RIN3: variants seen among roughly 807,000 people sequenced by gnomAD.
The protein encoded by RIN3 is Ras and Rab interactor 3.
In RIN3, 54 loss-of-function variants were observed where a neutral mutation model predicts 76.3. The observed-to-expected ratio is 0.71, with a 90% CI of 0.57 to 0.89. RIN3 has a LOEUF of 0.89. RIN3 is among the 40% of genes least tolerant of loss of function. The pLI, the probability that RIN3 is intolerant of heterozygous loss-of-function variation, is 0.00. For missense variants in RIN3, 1,256 were observed against 1,322.1 expected (o/e 0.95, Z 0.78); for synonymous variants, 576 against 564.0 (o/e 1.02, Z -0.30).
rs1595508743 is a variant in RIN3, at chr14:92,681,791, G to A, written c.2468-3196G>A. Among the ~76,000 whole-genome samples the A allele has an allele frequency of 6.6e-6, 1 of 152,326 alleles. No individual in the cohort carries two copies. Among genetic ancestry groups the A allele is most frequent in the South Asian group, 2.1e-4 (1 of 4,830 alleles). The stretch of plus-strand genomic sequence containing the variant: ...TAAACCTAACTTAAAATGGAGATAC[G>A]TAAGTGGTTTAGTGGTTCTTCTCTT... On this transcript the variant is annotated intron_variant, in intron 8 of 9. Coordinates refer to ENST00000216487, the MANE Select transcript of RIN3 (RefSeq NM_024832.5). The surrounding 1 kb of genome is among the most constrained non-coding windows in gnomAD (Gnocchi z 4.7).
At chr14:92,569,509 G>A (rs967775133) in intron 2 of RIN3, among the ~76,000 whole-genome samples, 24 of 151,974 alleles carry the variant, frequency 1.6e-4, no homozygotes, top group Non-Finnish European at 2.9e-4. Context: ...GCTCAGGGCC[G>A]TCTGAGGGCC....
intron 1 of RIN3, among the ~76,000 whole-genome samples, chr14:92,527,151 C>T (rs139817750): frequency 0.063 from 9,518 of 150,268 alleles, 922 homozygotes; most frequent in African/African-American, 0.22. Context: ...CCTGGGTTCA[C>T]GCCATTCTCC....
At chr14:92,516,951 C>A (rs1264108501) in intron 1 of RIN3, among the ~76,000 whole-genome samples, 1 of 152,262 alleles carries the variant, frequency 6.6e-6, no homozygotes, top group African/African-American at 2.4e-5. Context: ...GACACCCAGA[C>A]CCTTCACCAT....
chr14:92,516,638 C>A (rs1018978561), intron 1 of RIN3, among the ~76,000 whole-genome samples: 1 of 152,126 alleles, frequency 6.6e-6, no homozygotes, highest in Admixed American at 6.5e-5. Context: ...CCGAGAAGCC[C>A]CAGTACATCC....
chr14:92,555,990 A>G (rs1166914333), intron 2 of RIN3, 35 bp downstream of exon 2: 1 of 1,585,588 alleles, frequency 6.3e-7, no homozygotes, highest in East Asian at 2.2e-5. Context: ...GTAGGCACAC[A>G]CACCTGTGAG....
intron 3 of RIN3, among the ~76,000 whole-genome samples, chr14:92,592,017 A>T (rs1052790851): frequency 6.6e-5 from 10 of 152,192 alleles, no homozygotes; most frequent in Admixed American, 1.3e-4. Context: ...ACTTATGCTT[A>T]TGTGTGTATG....
intron 3 of RIN3, among the ~76,000 whole-genome samples, chr14:92,578,971 A>G (rs1344680449): frequency 6.6e-6 from 1 of 150,796 alleles, no homozygotes; most frequent in Non-Finnish European, 1.5e-5. Flanking sequence ...CTTGTTGCCC[A>G]GGTTGGAGTA....
intron 3 of RIN3, among the ~76,000 whole-genome samples, chr14:92,606,160 A>G (rs1201687783): frequency 6.6e-6 from 1 of 151,900 alleles, no homozygotes; most frequent in African/African-American, 2.4e-5. Flanking sequence ...AAAAAAAAAA[A>G]AAAGAGGACA....
At chr14:92,683,311 T>C (rs1435645214) in intron 8 of RIN3, among the ~76,000 whole-genome samples, 2 of 152,184 alleles carry the variant, frequency 1.3e-5, no homozygotes, top group Admixed American at 6.5e-5. Flanking sequence ...CAGGGTCTCC[T>C]TGCCCTCCTC....
chr14:92,611,957 C>T (rs189043489), intron 3 of RIN3, among the ~76,000 whole-genome samples: 3 of 152,272 alleles, frequency 2.0e-5, no homozygotes, highest in Non-Finnish European at 2.9e-5. Context: ...AGGTGTCTCA[C>T]GTGGTGGGAG....
intron 3 of RIN3, among the ~76,000 whole-genome samples, chr14:92,590,363 T>A (rs1884936803): frequency 1.3e-5 from 2 of 152,274 alleles, no homozygotes; most frequent in South Asian, 4.1e-4. Context: ...GTGGGAGGTG[T>A]TTGGGTCACA....
intron 2 of RIN3, among the ~76,000 whole-genome samples, chr14:92,561,135 TTATATATATTTTTATATA>T (rs1897763811): frequency 1.2e-5 from 1 of 86,126 alleles, no homozygotes; most frequent in South Asian, 4.0e-4. Context: ...ATATTTATAT[TTATATATATTTTTATATA>T]TATATTTATA....
intron 2 of RIN3, among the ~76,000 whole-genome samples, chr14:92,564,141 A>G (rs1463335684): frequency 2.0e-5 from 3 of 152,406 alleles, no homozygotes; most frequent in African/African-American, 7.2e-5. Flanking sequence ...GGAAAAGCAG[A>G]TAGCTCTGAA....
chr14:92,593,210 C>T (rs1282520537), intron 3 of RIN3, among the ~76,000 whole-genome samples: 2 of 151,812 alleles, frequency 1.3e-5, no homozygotes, highest in African/African-American at 4.8e-5. Context: ...ATATAAAATG[C>T]CAATTAAAAC....
intron 1 of RIN3, among the ~76,000 whole-genome samples, chr14:92,534,555 T>C (rs1896952589): frequency 6.7e-6 from 1 of 148,814 alleles, no homozygotes; most frequent in Non-Finnish European, 1.5e-5. Flanking sequence ...GCCACTGCAC[T>C]CCAGCCTGGG....
At chr14:92,686,090 A>T (rs1888848508) in intron 9 of RIN3, 1 of 152,440 alleles carries the variant, frequency 6.6e-6, no homozygotes. Flanking sequence ...AGCCAGGCAC[A>T]TCCAGAGCTG....
At chr14:92,610,369 T>G (rs1885688362) in intron 3 of RIN3, among the ~76,000 whole-genome samples, 1 of 152,176 alleles carries the variant, frequency 6.6e-6, no homozygotes. Context: ...TGATATCCTT[T>G]CTGTCTCTGT....
intron 8 of RIN3, among the ~76,000 whole-genome samples, chr14:92,682,861 C>T (rs368804235): frequency 3.3e-5 from 5 of 152,056 alleles, no homozygotes; most frequent in African/African-American, 1.2e-4. Context: ...CAGAATCTGC[C>T]TCATGTCAAA....
rs550877292 is a variant in RIN3, at chr14:92,546,746, C to A, written c.45-9005C>A. The stretch of plus-strand genomic sequence containing the variant: ...CCGCCCCCAGCCTCAGACCATTCCT[C>A]CTGCTGTAACAAGTGAGAAGCAGTT... On this transcript the variant is annotated intron_variant, in intron 1 of 9. Transcript: ENST00000216487. Among the ~76,000 whole-genome samples the A allele has an allele frequency of 5.9e-5, 9 of 152,150 alleles. No homozygotes were observed. In the East Asian group the frequency reaches 1.7e-3, roughly 29 times the overall value.
Sources: allele counts gnomAD v4.1 joint callset (sites outside exome capture counted in the v4.1 genomes callset), GRCh38; gene constraint gnomAD v4.1.1; non-coding constraint Gnocchi (gnomAD v3.1); transcripts MANE v1.5; gene names NCBI Gene and HGNC (gene_info 2026-07-23, HGNC 2026-07-21).